The following USP6NL variants were observed in gnomAD, a reference collection of about 807,000 sequenced individuals.
USP6NL encodes the protein USP6 N-terminal like, also known as USP6 N-terminal-like protein.
In USP6NL, 26 loss-of-function variants were observed where a neutral mutation model predicts 61.9. The observed-to-expected ratio is 0.42, with a 90% CI of 0.31 to 0.58. USP6NL has a LOEUF of 0.58. Ranked by LOEUF, USP6NL falls within the 20% of genes least tolerant of loss-of-function variation. The pLI, the probability that USP6NL is intolerant of heterozygous loss-of-function variation, is 0.16. For synonymous variants in USP6NL, 432 were observed against 390.1 expected, an observed-to-expected ratio of 1.11 and a Z score of -1.27; for missense variants, 1,114 against 1,034.3, an observed-to-expected ratio of 1.08 and a Z score of -1.06.
intron 2 of USP6NL, among the ~76,000 whole-genome samples, chr10:11,576,873 C>A (rs1230342200): frequency 6.6e-6 from 1 of 152,092 alleles, no homozygotes; most frequent in East Asian, 1.9e-4. Flanking sequence ...AATTTAAAAT[C>A]ACCTAATAAG....
chr10:11,592,045 T>A lies in USP6NL; in HGVS notation c.4+5586A>T, dbSNP rs542657270. 1.3e-5 allele frequency among the ~76,000 whole-genome samples: 2 copies of A among 152,198 alleles called. No individual in the cohort carries two copies. Among genetic ancestry groups the A allele is most frequent in the African/African-American group, 4.8e-5 (2 of 41,522 alleles). ...CCACCATGCCCAGCTAATTTTTTAG[T>A]ATTTTTAGTAGAGACGGGGTTTCAC... On this transcript the variant is annotated intron_variant, in intron 2 of 14. Coordinates refer to ENST00000609104, the MANE Select transcript of USP6NL (RefSeq NM_014688.5). This position sits in a 1 kb window ranked among gnomAD's most constrained non-coding sequence, Gnocchi z 4.7.
chr10:11,558,548 C>T (rs1836802950), intron 2 of USP6NL, among the ~76,000 whole-genome samples: 1 of 152,200 alleles, frequency 6.6e-6, no homozygotes, highest in Admixed American at 6.5e-5. Flanking sequence ...GTCTGGTCCT[C>T]ATTTGTGGTT....
intron 1 of USP6NL, among the ~76,000 whole-genome samples, chr10:11,608,317 T>A (rs1838772571): frequency 6.6e-6 from 1 of 152,230 alleles, no homozygotes; most frequent in South Asian, 2.1e-4. Context: ...ACGAGTAGAA[T>A]GACTTCCCTT....
chr10:11,499,753 T>C lies in USP6NL; in HGVS notation c.384+1348A>G, dbSNP rs900236035. Among the ~76,000 whole-genome samples the C allele has an allele frequency of 2.6e-5, 4 of 152,218 alleles. No individual in the cohort carries two copies. The highest frequency in any genetic ancestry group is 2.0e-4 in the Admixed American group (3 of 15,282). Reference sequence around the variant, plus strand: ...CCTAGAGCCCTGAGAGAAAGTGTTGTCCTGCTGACACCTTAATTTTGGACT... The same window carrying C: ...CCTAGAGCCCTGAGAGAAAGTGTTGCCCTGCTGACACCTTAATTTTGGACT... On this transcript the variant is annotated intron_variant, in intron 7 of 14. Transcript: ENST00000609104. This position sits in a 1 kb window ranked among gnomAD's most constrained non-coding sequence, Gnocchi z 4.5.
In USP6NL at chr10:11,482,048, T is replaced by C. The variant is rs1833221145; in HGVS notation, c.926-126A>G. The C allele has an allele frequency of 1.1e-6, 1 of 926,508 alleles. No homozygotes were observed. The highest frequency in any genetic ancestry group is 1.5e-6 in the Non-Finnish European group (1 of 651,264). The allele number at this position is 926,508 out of a possible 1,614,324, so 57.4% of individuals were successfully genotyped here. ...GGGCGCAAGCAGCATACAACTTACA[T>C]ATGGCATTGAGGACATCATTAAAAC... is the stretch of plus-strand genomic sequence containing the variant. On this transcript the variant is annotated intron_variant, in intron 13 of 14. Coordinates refer to ENST00000609104, the MANE Select transcript of USP6NL (RefSeq NM_014688.5). The surrounding 1 kb of genome is among the most constrained non-coding windows in gnomAD (Gnocchi z 4.0).
rs140649500 is a variant in USP6NL, at chr10:11,519,694, T to C, written c.156-1120A>G. Among the ~76,000 whole-genome samples, 1,410 of 152,314 alleles carry C rather than the reference T, an allele frequency of 9.3e-3. 25 individuals are homozygous for C. The highest frequency in any genetic ancestry group is 0.031 in the African/African-American group (1,302 of 41,564). On this transcript the variant is annotated intron_variant, in intron 4 of 14. Coordinates refer to ENST00000609104, the MANE Select transcript of USP6NL (RefSeq NM_014688.5). ...TCACTGTCAAAATTTCAAGAGATTATTTTTTAAATATACACTAAAAGATCA... is the reference window on the plus strand; with the variant it reads ...TCACTGTCAAAATTTCAAGAGATTACTTTTTAAATATACACTAAAAGATCA...
intron 1 of USP6NL, among the ~76,000 whole-genome samples, chr10:11,609,241 T>C (rs1468376998): frequency 6.6e-6 from 1 of 152,108 alleles, no homozygotes; most frequent in Non-Finnish European, 1.5e-5. Context: ...AATCTTTGTA[T>C]TTTTAGTAGG....
At chr10:11,571,230 T>G (rs1837349265) in intron 2 of USP6NL, among the ~76,000 whole-genome samples, 1 of 151,972 alleles carries the variant, frequency 6.6e-6, no homozygotes. Context: ...ATTACAGGCA[T>G]GCACCACCAC....
chr10:11,583,592 GA>G (rs1339917621), intron 2 of USP6NL, among the ~76,000 whole-genome samples: 1 of 152,156 alleles, frequency 6.6e-6, no homozygotes, highest in African/African-American at 2.4e-5. Context: ...AAATATGGAA[GA>G]AAAGAGATTT....
chr10:11,556,400 G>C (rs976060665), intron 2 of USP6NL, among the ~76,000 whole-genome samples: 1 of 152,200 alleles, frequency 6.6e-6, no homozygotes, highest in African/African-American at 2.4e-5. Flanking sequence ...TAGAAAGATA[G>C]AAACAGAAAG....
intron 7 of USP6NL, among the ~76,000 whole-genome samples, chr10:11,498,545 A>G (rs1002879985): frequency 6.6e-5 from 10 of 152,054 alleles, no homozygotes; most frequent in Non-Finnish European, 1.5e-4. Context: ...GATAAATATA[A>G]TAAGGACAAA....
chr10:11,606,508 A>T (rs1484532619), intron 1 of USP6NL, among the ~76,000 whole-genome samples: 1 of 152,216 alleles, frequency 6.6e-6, no homozygotes, highest in East Asian at 1.9e-4. Context: ...GCATCTTAAA[A>T]CAAGGCAATA....
Position 11,485,983 on chromosome 10 carries a change from T to C in USP6NL, c.665-72A>G. ...AACCCTCCAATCTTAAAACACAACA[T>C]ATTTCATTTGTAACTGTCAAAAATA... On this transcript the variant is annotated intron_variant, in intron 10 of 14. Coordinates refer to ENST00000609104, the MANE Select transcript of USP6NL (RefSeq NM_014688.5). The surrounding 1 kb of genome is among the most constrained non-coding windows in gnomAD (Gnocchi z 4.8). 2.9e-6 allele frequency: 3 copies of C among 1,039,366 alleles called. No homozygotes were observed. The highest frequency in any genetic ancestry group is 4.1e-6 in the Non-Finnish European group (3 of 731,608). 64.4% of individuals were successfully genotyped at this position (1,039,366 alleles called of 1,614,324 possible).
intron 4 of USP6NL, among the ~76,000 whole-genome samples, chr10:11,523,164 G>C (rs143798667): frequency 6.6e-6 from 1 of 152,174 alleles, no homozygotes; most frequent in African/African-American, 2.4e-5. Context: ...AAATACAAAA[G>C]AACTGATTGC....
Position 11,595,659 on chromosome 10 carries a change from AAG to A in USP6NL, c.4+1970_4+1971del, listed in dbSNP as rs143318704. 3.3e-5 allele frequency among the ~76,000 whole-genome samples: 5 copies of A among 151,780 alleles called. No homozygotes were observed. The highest frequency in any genetic ancestry group is 1.2e-4 in the African/African-American group (5 of 41,056). On this transcript the variant is annotated intron_variant, in intron 2 of 14. Transcript: ENST00000609104. This position sits in a 1 kb window ranked among gnomAD's most constrained non-coding sequence, Gnocchi z 5.3. Reference sequence around the variant, plus strand: ...GAAAAAAACAAAAATCACAAAAAGAAAGAGAGAGACATAAGAGCAAAAAAACT... The same window carrying A: ...GAAAAAAACAAAAATCACAAAAAGAAAGAGAGACATAAGAGCAAAAAAACT...
At chr10:11,466,438 G>T (rs1832455888) in intron 14 of USP6NL, among the ~76,000 whole-genome samples, 1 of 152,326 alleles carries the variant, frequency 6.6e-6, no homozygotes. Context: ...ACAGGAACAA[G>T]TGACCTGAAT....
chr10:11,489,387 G>A lies in USP6NL; in HGVS notation c.544-165C>T, dbSNP rs1197999799. On this transcript the variant is annotated intron_variant, in intron 9 of 14. Coordinates refer to ENST00000609104, the MANE Select transcript of USP6NL (RefSeq NM_014688.5). The surrounding 1 kb of genome is among the most constrained non-coding windows in gnomAD (Gnocchi z 5.7). ...CTCTTTACAGTATTATGCCACATAA[G>A]AGAATAAAATTGTGCTAAAAAATAA... Among the ~76,000 whole-genome samples the A allele has an allele frequency of 2.6e-5, 4 of 152,180 alleles. No homozygotes were observed. Among genetic ancestry groups the A allele is most frequent in the East Asian group, 1.9e-4 (1 of 5,204 alleles).
At chr10:11,506,755 A>C (rs1341216894) in intron 6 of USP6NL, among the ~76,000 whole-genome samples, 6 of 151,648 alleles carry the variant, frequency 4.0e-5, no homozygotes, top group Non-Finnish European at 1.5e-5. Flanking sequence ...TTTTTCATTA[A>C]AGCTTGGGTT....
At position 11,611,488 on chromosome 10, in the gene USP6NL, G is replaced by A; in HGVS notation, c.-129C>T. On this transcript the variant is annotated 5_prime_UTR_variant, in exon 1 of 15. Transcript: ENST00000609104. This position sits in a 1 kb window ranked among gnomAD's most constrained non-coding sequence, Gnocchi z 5.3. ...TAGGCTGTGGGCAGCGGACAGAGCT[G>A]GCGGTCCCGGGCGGCCGAGCAGATC... 1 of 159,572 alleles carries A rather than the reference G, an allele frequency of 6.3e-6. No individual in the cohort carries two copies. Among genetic ancestry groups the A allele is most frequent in the South Asian group, 1.7e-4 (1 of 5,748 alleles). 9.9% of individuals were successfully genotyped at this position (159,572 alleles called of 1,614,324 possible).
Sources: allele counts gnomAD v4.1 joint callset (sites outside exome capture counted in the v4.1 genomes callset), GRCh38; gene constraint gnomAD v4.1.1; non-coding constraint Gnocchi (gnomAD v3.1); transcripts MANE v1.5; gene names NCBI Gene and HGNC (gene_info 2026-07-23, HGNC 2026-07-21).